Variants in PRKCH observed in about 807,000 individuals in gnomAD.
PRKCH encodes the protein protein kinase C eta.
A neutral mutation model predicts 82.5 loss-of-function variants in PRKCH; 28 were observed. The ratio of observed to expected loss-of-function variants is 0.34; its 90% CI spans 0.25 to 0.47. PRKCH has a LOEUF of 0.47. Ranked by LOEUF, PRKCH falls within the 20% of genes least tolerant of loss-of-function variation. The pLI, the probability that PRKCH is intolerant of heterozygous loss-of-function variation, is 1.00. For missense variants in PRKCH, 705 were observed against 881.8 expected, an observed-to-expected ratio of 0.80 and a Z score of 2.54; for synonymous variants, 322 against 327.4, an observed-to-expected ratio of 0.98 and a Z score of 0.18.
At chr14:61,227,601 G>GGTAA (rs1555370130) in intron 1 of PRKCH, among the ~76,000 whole-genome samples, 1 of 151,310 alleles carries the variant, frequency 6.6e-6, no homozygotes, top group Admixed American at 6.6e-5. Flanking sequence ...TCAAAAAATA[G>GGTAA]ATAAATAAAT....
intron 1 of PRKCH, among the ~76,000 whole-genome samples, chr14:61,309,569 G>A (rs1257988784): frequency 6.6e-6 from 1 of 152,174 alleles, no homozygotes; most frequent in Non-Finnish European, 1.5e-5. Flanking sequence ...AATTTTGGGA[G>A]GATGCAAACC....
chr14:61,430,008 T>A (rs1014341242), intron 2 of PRKCH, among the ~76,000 whole-genome samples: 1 of 152,200 alleles, frequency 6.6e-6, no homozygotes, highest in Non-Finnish European at 1.5e-5. Context: ...ATACATAGTC[T>A]TGGGCAAAGA....
chr14:61,280,981 G>A lies in PRKCH; in HGVS notation c.-19+93313G>A. 1.9e-6 allele frequency: 3 copies of A among 1,542,830 alleles called. No homozygotes were observed. The East Asian group carries it at 7.4e-5, about 38-fold the overall frequency. On this transcript the variant is annotated intron_variant, in intron 1 of 3. Coordinates refer to the PRKCH transcript ENST00000555185. This position sits in a 1 kb window ranked among gnomAD's most constrained non-coding sequence, Gnocchi z 5.0. ...CTCCAGCTCCTTGATGCCGTTGGAG[G>A]AGTAGTAGAGGCCCAGGCCCAGGCC...
chr14:61,346,474 A>G (rs547994378), intron 1 of PRKCH, among the ~76,000 whole-genome samples: 13 of 152,308 alleles, frequency 8.5e-5, no homozygotes, highest in African/African-American at 2.6e-4. Context: ...GCCTACACCA[A>G]TGGTCTTATT....
At chr14:61,464,846 A>G (rs1231972320) in intron 9 of PRKCH, among the ~76,000 whole-genome samples, 1 of 152,246 alleles carries the variant, frequency 6.6e-6, no homozygotes, top group East Asian at 1.9e-4. Flanking sequence ...TGCAATAAAC[A>G]TACATGTGCA....
intron 2 of PRKCH, among the ~76,000 whole-genome samples, chr14:61,421,034 G>A (rs944994523): frequency 2.0e-5 from 3 of 151,532 alleles, no homozygotes; most frequent in Non-Finnish European, 2.9e-5. Flanking sequence ...ACAGACCATT[G>A]AACTGAAAAC....
chr14:61,546,454 T>G (rs1231643293), intron 12 of PRKCH, among the ~76,000 whole-genome samples: 5 of 152,240 alleles, frequency 3.3e-5, no homozygotes, highest in Non-Finnish European at 2.9e-5. Flanking sequence ...TTGAAGCTTT[T>G]TTGAAAGCAT....
At chr14:61,366,313 T>C (rs1594950106) in intron 1 of PRKCH, among the ~76,000 whole-genome samples, 2 of 152,130 alleles carry the variant, frequency 1.3e-5, no homozygotes, top group East Asian at 3.8e-4. Context: ...AAGGAGAGAT[T>C]TGTAAGACTC....
chr14:61,258,118 C>T (rs1453409509), intron 1 of PRKCH, among the ~76,000 whole-genome samples: 2 of 152,008 alleles, frequency 1.3e-5, no homozygotes, highest in African/African-American at 4.8e-5. Context: ...TTGCTCTAGA[C>T]CCCAATGTAA....
chr14:61,269,644 A>G (rs569014355), intron 1 of PRKCH, among the ~76,000 whole-genome samples: 13 of 152,278 alleles, frequency 8.5e-5, no homozygotes, highest in Middle Eastern at 3.4e-3. Flanking sequence ...TTTAATTTCT[A>G]TAGCTACTAT....
At chr14:61,484,764 C>CTTTTTTTTTTTT (rs375542490) in intron 9 of PRKCH, among the ~76,000 whole-genome samples, 1 of 121,206 alleles carries the variant, frequency 8.3e-6, no homozygotes, top group Admixed American at 8.6e-5. Flanking sequence ...ATTTGGCTTC[C>CTTTTTTTTTTTT]TTTTTTTTTT....
At chr14:61,417,587 T>C (rs1303572459) in intron 2 of PRKCH, among the ~76,000 whole-genome samples, 4 of 152,242 alleles carry the variant, frequency 2.6e-5, no homozygotes, top group African/African-American at 9.6e-5. Context: ...ATTTTTAATT[T>C]ATGAAAGTAT....
intron 2 of PRKCH, among the ~76,000 whole-genome samples, chr14:61,425,919 G>A (rs1229894815): frequency 6.6e-6 from 1 of 152,056 alleles, no homozygotes; most frequent in Non-Finnish European, 1.5e-5. Flanking sequence ...TTTTATAAGG[G>A]GCTCTTCTCC....
chr14:61,209,397 T>G (rs2044552215), intron 1 of PRKCH, among the ~76,000 whole-genome samples: 1 of 151,340 alleles, frequency 6.6e-6, no homozygotes, highest in Admixed American at 6.6e-5. Context: ...CACCAAGATC[T>G]TGGATTCCAG....
chr14:61,545,155 C>G (rs2043238798), intron 12 of PRKCH: 1 of 152,378 alleles, frequency 6.6e-6, no homozygotes, highest in Non-Finnish European at 1.5e-5. Flanking sequence ...GCCAGCTGTA[C>G]CAGGCACTTG....
intron 1 of PRKCH, among the ~76,000 whole-genome samples, chr14:61,241,737 G>C (rs2044840017): frequency 6.6e-6 from 1 of 152,196 alleles, no homozygotes; most frequent in South Asian, 2.1e-4. Context: ...TTTGGACTCA[G>C]GCTGACTCTG....
intron 1 of PRKCH, chr14:61,281,226 A>C: frequency 1.1e-6 from 1 of 943,082 alleles, no homozygotes; most frequent in Non-Finnish European, 1.4e-6. Flanking sequence ...CGCGCCGCGC[A>C]AGCCCGGGGA....
rs543369196 is a variant in PRKCH, at chr14:61,547,888, T to C, written c.1905+2T>C. On this transcript the variant is annotated splice_donor_variant, in intron 13 of 13. Coordinates refer to ENST00000332981, the MANE Select transcript of PRKCH (RefSeq NM_006255.5). LOFTEE classifies it high-confidence loss of function. ...GAACCGCCTTTCAGACCCAGAATCG[T>C]AAGTGTCCCAGGCTGTCACAGAGAC... 1 of 1,613,498 alleles carries C rather than the reference T, an allele frequency of 6.2e-7. No individual in the cohort carries two copies. The highest frequency in any genetic ancestry group is 2.2e-5 in the East Asian group (1 of 44,862).
At chr14:61,409,022 G>A (rs1004676934) in intron 2 of PRKCH, among the ~76,000 whole-genome samples, 7 of 152,156 alleles carry the variant, frequency 4.6e-5, no homozygotes, top group African/African-American at 1.2e-4. Context: ...TTTCCTGTTC[G>A]CTAGGCCACA....
Sources: gnomAD v4.1 joint callset for allele counts (sites outside exome capture counted in the v4.1 genomes callset) on GRCh38, gnomAD v4.1.1 for gene constraint, Gnocchi (gnomAD v3.1) non-coding constraint, MANE v1.5 for transcripts, NCBI Gene and HGNC (gene_info 2026-07-23, HGNC 2026-07-21) for gene names.